DPP8: variants seen among roughly 807,000 people sequenced by gnomAD.
The protein encoded by DPP8 is dipeptidyl peptidase 8, also known as DPP VIII.
Under a neutral mutation model 107.5 loss-of-function variants are expected in DPP8, and 31 were observed. That is an observed-to-expected ratio of 0.29 (90% CI 0.22 to 0.39). DPP8 has a LOEUF of 0.39. Ranked by LOEUF, DPP8 falls within the 10% of genes least tolerant of loss-of-function variation. The pLI, the probability that DPP8 is intolerant of heterozygous loss-of-function variation, is 1.00. For missense variants in DPP8, 842 were observed against 1,076.1 expected (o/e 0.78, Z 3.04); for synonymous variants, 381 against 356.6 (o/e 1.07, Z -0.77).
rs774357225 is a variant in DPP8 at position 65,479,004 on chromosome 15, G to C, written c.1332C>G (p.His444Gln). Residue 444 changes from histidine to glutamine, a missense_variant, in exon 11 of 20, where the codon CAC becomes CAG. His to Gln is a conservative substitution (Grantham distance 24). Transcript: ENST00000300141. ...CAAAAATAAACTCAATTTCCTCTTC[G>C]TGACTTTGGGGAAAAACATGAAAGA... ...HDIFHVFPQS[H>Q]EEEIEFIFAS... is the part of the protein sequence containing the mutation. The C allele has an allele frequency of 6.3e-7, 1 of 1,585,968 alleles. No individual in the cohort carries two copies. The highest frequency in any genetic ancestry group is 8.5e-7 in the Non-Finnish European group (1 of 1,169,602).
intron 4 of DPP8, 90 bp downstream of exon 4, chr15:65,500,516 G>T: frequency 2.1e-6 from 2 of 950,818 alleles, no homozygotes; most frequent in Non-Finnish European, 3.2e-6. Flanking sequence ...AACTGAAGTT[G>T]CTGGTTTGTT....
At chr15:65,492,372 C>A (rs2068124620) in intron 5 of DPP8, among the ~76,000 whole-genome samples, 1 of 151,944 alleles carries the variant, frequency 6.6e-6, no homozygotes, top group South Asian at 2.1e-4. Context: ...TTTTTGAGAA[C>A]ATGTGTTTTT....
chr15:65,501,659 C>T (rs912502225), intron 3 of DPP8, among the ~76,000 whole-genome samples: 2 of 152,196 alleles, frequency 1.3e-5, no homozygotes, highest in African/African-American at 4.8e-5. Flanking sequence ...TTCCACTACA[C>T]TAGCAATACT....
chr15:65,498,578 C>G (rs984935413), intron 4 of DPP8, among the ~76,000 whole-genome samples: 3 of 152,118 alleles, frequency 2.0e-5, no homozygotes, highest in Non-Finnish European at 2.9e-5. Flanking sequence ...TAAAACACTA[C>G]TTCATAAATT....
At chr15:65,488,789 G>A (rs1407417828) in intron 6 of DPP8, among the ~76,000 whole-genome samples, 1 of 152,034 alleles carries the variant, frequency 6.6e-6, no homozygotes, top group African/African-American at 2.4e-5. Flanking sequence ...AAAGTTTGAA[G>A]GCCATGCTTT....
intron 12 of DPP8, among the ~76,000 whole-genome samples, chr15:65,472,077 G>A (rs954240358): frequency 3.3e-5 from 5 of 152,046 alleles, no homozygotes; most frequent in African/African-American, 7.2e-5. Context: ...CTTCAAAAAC[G>A]CAATTTTTTT....
chr15:65,447,251 C>T (rs1221333695), intron 19 of DPP8, among the ~76,000 whole-genome samples: 1 of 152,184 alleles, frequency 6.6e-6, no homozygotes, highest in African/African-American at 2.4e-5. Context: ...GGTCTGCAGA[C>T]TTTCAGAGGT....
At chr15:65,467,385 A>G (rs911670420) in intron 12 of DPP8, among the ~76,000 whole-genome samples, 162 bp from the exon 13 acceptor site, 7 of 151,778 alleles carry the variant, frequency 4.6e-5, no homozygotes, top group African/African-American at 1.7e-4. Context: ...TTGCTTATTT[A>G]TTTATTTTTT....
At chr15:65,506,726 T>A (rs1277934000) in intron 3 of DPP8, among the ~76,000 whole-genome samples, 1 of 149,046 alleles carries the variant, frequency 6.7e-6, no homozygotes, top group Non-Finnish European at 1.5e-5. Flanking sequence ...AACATATATA[T>A]GTTTAAAAAC....
intron 2 of DPP8, among the ~76,000 whole-genome samples, chr15:65,510,845 G>A (rs976997748): frequency 6.6e-6 from 1 of 152,020 alleles, no homozygotes; most frequent in African/African-American, 2.4e-5. Context: ...AGCCACAAAC[G>A]GCTTTTTAAG....
At position 65,444,974 on chromosome 15, in the gene DPP8, A is replaced by C. The variant is rs2063439812; in HGVS notation, c.*1910T>G. 6.6e-6 allele frequency: 1 copy of C among 152,234 alleles called. No homozygotes were observed. The highest frequency in any genetic ancestry group is 1.5e-5 in the Non-Finnish European group (1 of 68,044). The allele number at this position is 152,234 out of a possible 1,614,324, so 9.4% of individuals were successfully genotyped here. A position where few individuals can be genotyped will look rare whatever the true frequency, so the allele number is the denominator to read the frequency against. On this transcript the variant is annotated 3_prime_UTR_variant, in exon 20 of 20. Transcript: ENST00000300141. ...CTTTCTTGGGGAAGAAAGTTACCCA[A>C]ATCAATTTAATTTAACATTGAAAAT...
At chr15:65,486,583 C>T (rs1474839302) in intron 7 of DPP8, among the ~76,000 whole-genome samples, 1 of 151,872 alleles carries the variant, frequency 6.6e-6, no homozygotes, top group Non-Finnish European at 1.5e-5. Context: ...GAGGTGCTTG[C>T]CCATCAACCA....
In DPP8 at chr15:65,481,525, C is replaced by G. The variant is rs773962210; in HGVS notation, c.1108G>C (p.Glu370Gln). The change falls in exon 9 of 20, where the codon GAG becomes CAG. Residue 370 changes from glutamate (E) to glutamine (Q), a missense_variant. Coordinates refer to ENST00000300141, the MANE Select transcript of DPP8 (RefSeq NM_130434.5). ...ATTTAACATACGCACTATTTTCCCT[C>G]AGGAGTCCATCCAGCTCTGGCAATA... ...EYIARAGWTP[E>Q]GKYAWSILLD... The G allele has an allele frequency of 3.2e-6, 5 of 1,578,298 alleles. No individual in the cohort carries two copies. Among genetic ancestry groups the G allele is most frequent in the Admixed American group, 3.8e-5 (2 of 53,206 alleles).
At chr15:65,515,517 A>G (rs1201491037) in intron 1 of DPP8, 7 of 668,854 alleles carry the variant, frequency 1.0e-5, no homozygotes, top group Non-Finnish European at 1.9e-5. Context: ...GATTATATAC[A>G]AACACATTCT....
intron 14 of DPP8, among the ~76,000 whole-genome samples, chr15:65,464,180 G>A (rs1411673155): frequency 6.6e-6 from 1 of 152,014 alleles, no homozygotes; most frequent in Non-Finnish European, 1.5e-5. Flanking sequence ...TGGCTAACAC[G>A]GTGAAACCCC....
Position 65,510,944 on chromosome 15 carries a change from C to A in DPP8, c.259+1351G>T, listed in dbSNP as rs1488439781. 3.3e-5 allele frequency among the ~76,000 whole-genome samples: 5 copies of A among 152,190 alleles called. No homozygotes were observed. The East Asian group carries it at 7.7e-4, about 23-fold the overall frequency. ...GTTCGCTAATCTGACTGGGAAAGAT[C>A]AAAAAGTTTAATTACTCACTACTGG... On this transcript the variant is annotated intron_variant, in intron 2 of 19. Transcript: ENST00000300141.
rs144877237 is a variant in DPP8 at position 65,479,219 on chromosome 15, A to C, written c.1297-180T>G. Among the ~76,000 whole-genome samples, 56 of 152,324 alleles carry C rather than the reference A, an allele frequency of 3.7e-4. 1 individual carries two copies. The East Asian group carries it at 0.01, about 27-fold the overall frequency. ...GGGGCTTTCAGATTTATTTTACTTT[A>C]GTCAAAGACTTTTTCCACTGAGAAG... On this transcript the variant is annotated intron_variant, in intron 10 of 19. Transcript: ENST00000300141.
At chr15:65,468,884 A>T (rs2065597069) in intron 12 of DPP8, among the ~76,000 whole-genome samples, 1 of 152,170 alleles carries the variant, frequency 6.6e-6, no homozygotes, top group Admixed American at 6.6e-5. Flanking sequence ...CCAAGGAAGT[A>T]TCATAATTGT....
intron 1 of DPP8, among the ~76,000 whole-genome samples, chr15:65,514,758 C>T (rs183940956): frequency 1.3e-3 from 193 of 152,330 alleles, no homozygotes; most frequent in Non-Finnish European, 2.2e-3. Flanking sequence ...GATCCACCCG[C>T]CTTGGCCTCC....
Sources: gnomAD v4.1 joint callset for allele counts (sites outside exome capture counted in the v4.1 genomes callset) on GRCh38, gnomAD v4.1.1 for gene constraint, MANE v1.5 for transcripts, NCBI Gene and HGNC (gene_info 2026-07-23, HGNC 2026-07-21) for gene names.